GRM4: variants seen among roughly 807,000 people sequenced by gnomAD.
GRM4 encodes metabotropic glutamate receptor 4.
A neutral mutation model predicts 81.7 loss-of-function variants in GRM4; 28 were observed. That is an observed-to-expected ratio of 0.34 (90% CI 0.25 to 0.47). The LOEUF is 0.47. Ranked by LOEUF, GRM4 falls within the 20% of genes least tolerant of loss-of-function variation. The probability of loss-of-function intolerance (pLI) is 1.00; values close to 1 mark genes in which losing one functional copy is unlikely to be tolerated. For synonymous variants in GRM4, 488 were observed against 528.8 expected (o/e 0.92, Z 1.06); for missense variants, 948 against 1,290.0 (o/e 0.73, Z 4.06).
At chr6:34,102,068 T>C (rs1323160622) in intron 2 of GRM4, 2 of 1,535,488 alleles carry the variant, frequency 1.3e-6, no homozygotes, top group Non-Finnish European at 1.7e-6. Context: ...AAGGGTCCTC[T>C]TTTTTCTCTT....
intron 1 of GRM4, among the ~76,000 whole-genome samples, chr6:34,151,105 G>T (rs995851758): frequency 1.3e-5 from 2 of 152,196 alleles, no homozygotes; most frequent in African/African-American, 4.8e-5. Context: ...GTCAAAGGAG[G>T]CCTCCCCTTG....
intron 8 of GRM4, among the ~76,000 whole-genome samples, chr6:34,038,289 T>C (rs1379000350): frequency 6.6e-6 from 1 of 152,276 alleles, no homozygotes; most frequent in Admixed American, 6.5e-5. Flanking sequence ...AAAGCAGATA[T>C]GAAGCCACTT....
intron 2 of GRM4, among the ~76,000 whole-genome samples, chr6:34,124,031 GCT>G (rs1350180454): frequency 1.3e-5 from 2 of 152,198 alleles, no homozygotes; most frequent in Non-Finnish European, 2.9e-5. Context: ...CACCTCCGTG[GCT>G]TCACAAGGGC....
chr6:34,075,342 C>T (rs1284512694), intron 3 of GRM4, among the ~76,000 whole-genome samples: 1 of 152,194 alleles, frequency 6.6e-6, no homozygotes, highest in Non-Finnish European at 1.5e-5. Flanking sequence ...TCACCTCTAC[C>T]ACAGCAGGAC....
chr6:34,064,393 AG>A lies in GRM4; in HGVS notation c.737-2366del, dbSNP rs1371671126. Reference sequence around the variant, plus strand: ...TTAAGTAGCTTCCCCAGGATCACAAAGATAGTCAGGGGAAGAGGTGGGGTTT... The same window carrying A: ...TTAAGTAGCTTCCCCAGGATCACAAAATAGTCAGGGGAAGAGGTGGGGTTT... On this transcript the variant is annotated intron_variant, in intron 3 of 10. Coordinates refer to ENST00000538487, the MANE Select transcript of GRM4 (RefSeq NM_000841.4). This position sits in a 1 kb window ranked among gnomAD's most constrained non-coding sequence, Gnocchi z 4.4. Among the ~76,000 whole-genome samples, 2 of 152,318 alleles carry A rather than the reference AG, an allele frequency of 1.3e-5. No homozygotes were observed. The highest frequency in any genetic ancestry group is 3.9e-4 in the East Asian group (2 of 5,186).
At chr6:34,084,011 C>G (rs1424586115) in intron 3 of GRM4, among the ~76,000 whole-genome samples, 1 of 152,234 alleles carries the variant, frequency 6.6e-6, no homozygotes, top group African/African-American at 2.4e-5. Flanking sequence ...CTTTCCAGCA[C>G]TCCTCTGAGA....
intron 2 of GRM4, among the ~76,000 whole-genome samples, chr6:34,105,215 G>C (rs1769059972): frequency 6.6e-6 from 1 of 152,148 alleles, no homozygotes; most frequent in Non-Finnish European, 1.5e-5. Flanking sequence ...TCACAGCCAG[G>C]CCAGGGCCAG....
chr6:34,033,663 C>T (rs1261200543), intron 9 of GRM4, among the ~76,000 whole-genome samples: 1 of 151,204 alleles, frequency 6.6e-6, no homozygotes, highest in Non-Finnish European at 1.5e-5. Flanking sequence ...CTCTTTCTTT[C>T]TCTCTCTTTC....
rs1019278721 is a variant in GRM4, at chr6:34,056,304, C to A, written c.1168+240G>T. ...AGGGCCGTCCACATCAACCCCGAGG[C>A]GGCCAGAGGCCTTACCACTCCCAAG... On this transcript the variant is annotated intron_variant, in intron 6 of 10. Transcript: ENST00000538487. The A allele has an allele frequency of 5.5e-6, 3 of 541,690 alleles. No individual in the cohort carries two copies. The East Asian group carries it at 9.3e-5, about 17-fold the overall frequency. 33.6% of individuals were successfully genotyped at this position (541,690 alleles called of 1,614,324 possible). A position where few individuals can be genotyped will look rare whatever the true frequency, so the allele number is the denominator to read the frequency against.
At chr6:34,039,395 A>G (rs1355879153) in intron 8 of GRM4, among the ~76,000 whole-genome samples, 4 of 152,112 alleles carry the variant, frequency 2.6e-5, no homozygotes, top group African/African-American at 9.7e-5. Context: ...AGGCCAGATG[A>G]GGACCTGTCT....
At chr6:34,084,990 G>A (rs1221611800) in intron 3 of GRM4, among the ~76,000 whole-genome samples, 2 of 152,162 alleles carry the variant, frequency 1.3e-5, no homozygotes, top group Non-Finnish European at 2.9e-5. Flanking sequence ...CAGGGCAGGT[G>A]CTAGGGCTGG....
chr6:34,019,813 G>C lies in GRM4; in HGVS notation c.*3008C>G, dbSNP rs924527405. ...ATTAATAATTGAGGATGAGAGCAAAGGTGAGCAGCCAAGCCAATTGTGAAG... is the reference window on the plus strand; with the variant it reads ...ATTAATAATTGAGGATGAGAGCAAACGTGAGCAGCCAAGCCAATTGTGAAG... On this transcript the variant is annotated 3_prime_UTR_variant, in exon 11 of 11. Transcript: ENST00000538487. The C allele has an allele frequency of 1.3e-5, 2 of 152,210 alleles. No homozygotes were observed. Among genetic ancestry groups the C allele is most frequent in the African/African-American group, 4.8e-5 (2 of 41,434 alleles). The allele number at this position is 152,210 out of a possible 1,614,324, so 9.4% of individuals were successfully genotyped here.
At chr6:34,150,069 C>A (rs1216157527), upstream of GRM4, among the ~76,000 whole-genome samples, 1 of 152,048 alleles carries the variant, frequency 6.6e-6, no homozygotes, top group East Asian at 1.9e-4. Flanking sequence ...TTCTAAATTC[C>A]AAAAAAGACC....
chr6:34,109,631 G>C (rs1769284370), intron 2 of GRM4, among the ~76,000 whole-genome samples: 1 of 152,130 alleles, frequency 6.6e-6, no homozygotes, highest in South Asian at 2.1e-4. Context: ...ACCCACCCAT[G>C]TCACCTGGAA....
rs1021805821 is a variant in GRM4 at position 34,070,114 on chromosome 6, G to A, written c.737-8086C>T. 6.6e-6 allele frequency among the ~76,000 whole-genome samples: 1 copy of A among 152,152 alleles called. No homozygotes were observed. The highest frequency in any genetic ancestry group is 1.5e-5 in the Non-Finnish European group (1 of 68,020). ...GGGCAGAGGCTCTGTAGGAGTTGGAGGTGAACACTCGCACCTGCTCACACG... is the reference window on the plus strand; with the variant it reads ...GGGCAGAGGCTCTGTAGGAGTTGGAAGTGAACACTCGCACCTGCTCACACG... On this transcript the variant is annotated intron_variant, in intron 3 of 10. Coordinates refer to ENST00000538487, the MANE Select transcript of GRM4 (RefSeq NM_000841.4). This position sits in a 1 kb window ranked among gnomAD's most constrained non-coding sequence, Gnocchi z 4.6.
At chr6:34,154,408 CT>C (rs1771105089) in intron 1 of GRM4, among the ~76,000 whole-genome samples, 1 of 152,198 alleles carries the variant, frequency 6.6e-6, no homozygotes, top group South Asian at 2.1e-4. Flanking sequence ...AGCAGCACCC[CT>C]AGTCCAGAAT....
intron 10 of GRM4, chr6:34,024,295 T>C (rs547132506): frequency 4.9e-6 from 1 of 202,552 alleles, no homozygotes; most frequent in Non-Finnish European, 1.0e-5. Flanking sequence ...AAAATGGGTC[T>C]TTCCCCCATG....
chr6:34,028,321 C>T lies in GRM4; in HGVS notation c.2488G>A (p.Ala830Thr), dbSNP rs1187663905. ...TAGAGCATTCCCAGGGACACCGAGGCGCTCAGACTCACCGAGACCGTCAGC... is the reference window on the plus strand; with the variant it reads ...TAGAGCATTCCCAGGGACACCGAGGTGCTCAGACTCACCGAGACCGTCAGC... ...TTLTVSVSLS[A>T]SVSLGMLYMP... is the part of the protein sequence containing the mutation. The change falls in exon 10 of 11, where the codon GCC (alanine) becomes ACC (threonine). Residue 830 changes from alanine to threonine, a missense_variant. Coordinates refer to ENST00000538487, the MANE Select transcript of GRM4 (RefSeq NM_000841.4). 3 of 1,612,714 alleles carry T rather than the reference C, an allele frequency of 1.9e-6. No homozygotes were observed. Among genetic ancestry groups the T allele is most frequent in the East Asian group, 2.2e-5 (1 of 44,850 alleles).
intron 2 of GRM4, among the ~76,000 whole-genome samples, chr6:34,125,594 C>T (rs1252069944): frequency 6.6e-6 from 1 of 152,274 alleles, no homozygotes; most frequent in Non-Finnish European, 1.5e-5. Context: ...ACTTCTGCCC[C>T]ACTGGCCCCA....
Sources: allele counts gnomAD v4.1 joint callset (sites outside exome capture counted in the v4.1 genomes callset), GRCh38; gene constraint gnomAD v4.1.1; non-coding constraint Gnocchi (gnomAD v3.1); transcripts MANE v1.5; gene names NCBI Gene and HGNC (gene_info 2026-07-23, HGNC 2026-07-21).